Variants in DBF4 observed in about 807,000 individuals in gnomAD.
DBF4 encodes protein DBF4 homolog A.
Under a neutral mutation model 76.6 loss-of-function variants are expected in DBF4, and 25 were observed. The ratio of observed to expected loss-of-function variants is 0.33; its 90% CI spans 0.24 to 0.46. The LOEUF is 0.46. Among genes scored for constraint, DBF4 ranks in the 20% least tolerant of loss-of-function variants. The pLI is 1.00. For synonymous variants in DBF4, 213 were observed against 258.0 expected, an observed-to-expected ratio of 0.83 and a Z score of 1.67; for missense variants, 638 against 760.8, an observed-to-expected ratio of 0.84 and a Z score of 1.90.
At chr7:87,890,332 A>G (rs909909096) in intron 6 of DBF4, among the ~76,000 whole-genome samples, 3 of 152,224 alleles carry the variant, frequency 2.0e-5, no homozygotes, top group Non-Finnish European at 4.4e-5. Flanking sequence ...CGAGGTCAGG[A>G]TACCAGCATG....
intron 6 of DBF4, 71 bp from the exon 7 acceptor site, chr7:87,896,403 A>G (rs1439058869): frequency 6.1e-6 from 7 of 1,156,452 alleles, no homozygotes; most frequent in Non-Finnish European, 9.0e-6. Context: ...TCTTGAAGAT[A>G]CTGAGCAATT....
intron 8 of DBF4, 143 bp from the exon 9 acceptor site, chr7:87,900,078 C>T (rs2131070426): frequency 1.5e-6 from 1 of 685,616 alleles, no homozygotes; most frequent in Non-Finnish European, 2.3e-6. Flanking sequence ...ATTGTTAGGC[C>T]TGAAATTGAT....
intron 3 of DBF4, among the ~76,000 whole-genome samples, 184 bp downstream of exon 3, chr7:87,885,342 C>A (rs138252894): frequency 2.0e-5 from 3 of 152,178 alleles, no homozygotes; most frequent in Non-Finnish European, 4.4e-5. Flanking sequence ...CCTAATAGTT[C>A]TTGTGTAATC....
chr7:87,894,732 ACTGT>A (rs1839589458), intron 6 of DBF4, among the ~76,000 whole-genome samples: 1 of 152,168 alleles, frequency 6.6e-6, no homozygotes, highest in Non-Finnish European at 1.5e-5. Flanking sequence ...TTGTCCTAAA[ACTGT>A]CTTCTGGTCT....
chr7:87,908,048 A>G lies in DBF4; in HGVS notation c.1910A>G (p.Tyr637Cys), dbSNP rs1839954398. The G allele has an allele frequency of 2.5e-6, 4 of 1,613,796 alleles. No individual in the cohort carries two copies. The highest frequency in any genetic ancestry group is 2.5e-6 in the Non-Finnish European group (3 of 1,179,776). ...EKSEFLGFTS[Y>C]TEKSGICNVL... is the part of the protein sequence containing the mutation. Reference sequence around the variant, plus strand: ...TCAGAATTTTTGGGTTTCACAAGCTACACAGAAAAGAGTGGTATATGCAAT... The same window carrying G: ...TCAGAATTTTTGGGTTTCACAAGCTGCACAGAAAAGAGTGGTATATGCAAT... Residue 637 changes from tyrosine to cysteine, a missense_variant, in exon 12 of 12, where the codon TAC (tyrosine) becomes TGC (cysteine). Transcript: ENST00000265728.
At chr7:87,898,991 A>G (rs1458272483) in intron 8 of DBF4, among the ~76,000 whole-genome samples, 1 of 152,224 alleles carries the variant, frequency 6.6e-6, no homozygotes, top group African/African-American at 2.4e-5. Flanking sequence ...AGATAATTTA[A>G]TGGAGAAAGG....
At position 87,896,401 on chromosome 7, in the gene DBF4, A is replaced by G. The variant is rs1839639424; in HGVS notation, c.598-73A>G. The G allele has an allele frequency of 4.4e-6, 5 of 1,129,922 alleles. No homozygotes were observed. The South Asian group carries it at 5.2e-5, about 12-fold the overall frequency. 70.0% of individuals were successfully genotyped at this position (1,129,922 alleles called of 1,614,324 possible). ...TCTGCATGATTTTTTTATCTTGAAG[A>G]TACTGAGCAATTGCAGTTGCTGTTT... On this transcript the variant is annotated intron_variant, in intron 6 of 11. Transcript: ENST00000265728.
intron 1 of DBF4, among the ~76,000 whole-genome samples, chr7:87,877,731 T>G (rs1839104158): frequency 1.3e-5 from 2 of 152,190 alleles, no homozygotes; most frequent in African/African-American, 4.8e-5. Context: ...AATAAATAGT[T>G]GAGTATTAAA....
Position 87,900,363 on chromosome 7 carries a change from T to C in DBF4, c.809+14T>C. 1 of 1,579,238 alleles carries C rather than the reference T, an allele frequency of 6.3e-7. No homozygotes were observed. The highest frequency in any genetic ancestry group is 8.5e-7 in the Non-Finnish European group (1 of 1,170,524). On this transcript the variant is annotated intron_variant, in intron 9 of 11. Transcript: ENST00000265728. ...GGTTAAACTAAGGTTGGTTTGAATC[T>C]TTACTTTTAGAAGGAATATTCAGAA...
intron 10 of DBF4, among the ~76,000 whole-genome samples, chr7:87,903,689 CT>C (rs56740998): frequency 0.13 from 12,299 of 97,858 alleles, 198 homozygotes; most frequent in Admixed American, 0.19. Context: ...CTCTGTATCC[CT>C]TTTTTTTTTT....
intron 8 of DBF4, 99 bp downstream of exon 8, chr7:87,897,438 T>G: frequency 9.0e-7 from 1 of 1,108,234 alleles, no homozygotes; most frequent in Non-Finnish European, 1.3e-6. Flanking sequence ...TTAGGTTCCT[T>G]TGTGTTTGAT....
In DBF4 at chr7:87,896,459, T is replaced by C; in HGVS notation, c.598-15T>C. On this transcript the variant is annotated splice_polypyrimidine_tract_variant and intron_variant, in intron 6 of 11. Coordinates refer to ENST00000265728, the MANE Select transcript of DBF4 (RefSeq NM_006716.4). Reference sequence around the variant, plus strand: ...ACTTTCAAAGCCAATCTTTTCACTATATATTTTTTTTTAGGGCAAAAGAGT... The same window carrying C: ...ACTTTCAAAGCCAATCTTTTCACTACATATTTTTTTTTAGGGCAAAAGAGT... 1 of 1,608,466 alleles carries C rather than the reference T, an allele frequency of 6.2e-7. No individual in the cohort carries two copies. The highest frequency in any genetic ancestry group is 1.1e-5 in the South Asian group (1 of 90,346).
intron 6 of DBF4, among the ~76,000 whole-genome samples, chr7:87,889,242 G>A (rs944097996): frequency 6.6e-6 from 1 of 151,752 alleles, no homozygotes; most frequent in Non-Finnish European, 1.5e-5. Context: ...GAATTATTTG[G>A]CAAGACTGAA....
chr7:87,907,092 A>T, intron 11 of DBF4, 96 bp from the exon 12 acceptor site: 1 of 1,204,806 alleles, frequency 8.3e-7, no homozygotes, highest in Non-Finnish European at 1.1e-6. Context: ...TTTCTTAAAG[A>T]TTATATAATG....
chr7:87,887,208 A>G (rs1839377963), intron 4 of DBF4, 121 bp from the exon 5 acceptor site: 6 of 825,028 alleles, frequency 7.3e-6, no homozygotes, highest in African/African-American at 5.2e-5. Flanking sequence ...TTGTAACTCT[A>G]TAGGGTCTGT....
intron 1 of DBF4, among the ~76,000 whole-genome samples, chr7:87,877,349 T>A (rs1839091927): frequency 1.3e-5 from 2 of 152,244 alleles, no homozygotes. Context: ...GTCACTTTAT[T>A]TGGTGAAACA....
chr7:87,897,329 G>T lies in DBF4; in HGVS notation c.670G>T (p.Asp224Tyr). The stretch of plus-strand genomic sequence containing the variant: ...CAAAAAGCCTTTTGTAAAGGTGGAA[G>T]ATATGAGCCAGTAAGTATTTAAGTC... ...RLKKPFVKVEDMSQLYRPFYL... is the reference protein window; with the variant it reads ...RLKKPFVKVEYMSQLYRPFYL... The change falls in exon 8 of 12, where the codon GAT becomes TAT. Residue 224 changes from aspartate to tyrosine, a missense_variant. Coordinates refer to ENST00000265728, the MANE Select transcript of DBF4 (RefSeq NM_006716.4). The T allele has an allele frequency of 6.2e-7, 1 of 1,612,554 alleles. No individual in the cohort carries two copies. Among genetic ancestry groups the T allele is most frequent in the Non-Finnish European group, 8.5e-7 (1 of 1,179,488 alleles).
chr7:87,890,262 A>C (rs1206321663), intron 6 of DBF4, among the ~76,000 whole-genome samples: 1 of 152,172 alleles, frequency 6.6e-6, no homozygotes, highest in Non-Finnish European at 1.5e-5. Flanking sequence ...CTGGGGGCTA[A>C]GCATGGAGGC....
At chr7:87,879,259 A>G (rs1210509867) in intron 2 of DBF4, among the ~76,000 whole-genome samples, 1 of 152,154 alleles carries the variant, frequency 6.6e-6, no homozygotes, top group Non-Finnish European at 1.5e-5. Context: ...CGATTCCCAG[A>G]CTAGAAACTT....
Sources: allele counts gnomAD v4.1 joint callset (sites outside exome capture counted in the v4.1 genomes callset), GRCh38; gene constraint gnomAD v4.1.1; transcripts MANE v1.5; gene names NCBI Gene and HGNC (gene_info 2026-07-23, HGNC 2026-07-21).